AGRN: variants seen among roughly 807,000 people sequenced by gnomAD.
AGRN encodes the protein agrin.
A neutral mutation model predicts 211.0 loss-of-function variants in AGRN; 106 were observed. The ratio of observed to expected loss-of-function variants is 0.50; its 90% CI spans 0.43 to 0.59. The LOEUF (loss-of-function observed/expected upper bound fraction) is 0.59, where lower values mean the gene tolerates loss of function less well. Among genes scored for constraint, AGRN ranks in the 20% least tolerant of loss-of-function variants. The pLI is 0.00. For missense variants in AGRN, 3,040 were observed against 2,982.6 expected (o/e 1.02, Z -0.45); for synonymous variants, 1,525 against 1,332.5 (o/e 1.14, Z -3.15).
chr1:1,020,956 C>T (rs1006878866), intron 1 of AGRN, among the ~76,000 whole-genome samples: 4 of 151,864 alleles, frequency 2.6e-5, no homozygotes, highest in Non-Finnish European at 5.9e-5. Flanking sequence ...CCGGGGCTCC[C>T]CACCCCGGGG....
Position 1,020,280 on chromosome 1 carries a change from G to A in AGRN, c.108G>A (p.Leu36=). 2.9e-5 allele frequency: 42 copies of A among 1,471,342 alleles called. No homozygotes were observed. Among genetic ancestry groups the A allele is most frequent in the Non-Finnish European group, 3.6e-5 (40 of 1,111,146 alleles). The allele number at this position is 1,471,342 out of a possible 1,614,324, so 91.1% of individuals were successfully genotyped here. A position where few individuals can be genotyped will look rare whatever the true frequency, so the allele number is the denominator to read the frequency against. The part of the protein sequence containing the change: ...GAGGTCPERA[L]ERREEEANVV... ...GCGGGACATGCCCGGAGCGCGCGCT[G>A]GAGCGGCGCGAGGAGGAGGCGAACG... Residue 36 remains leucine (L), a synonymous_variant, in exon 1 of 36, where the codon CTG becomes CTA. Coordinates refer to ENST00000379370, the MANE Select transcript of AGRN (RefSeq NM_198576.4).
intron 14 of AGRN, 60 bp from the exon 15 acceptor site, chr1:1,045,673 A>G: frequency 6.2e-7 from 1 of 1,612,234 alleles, no homozygotes; most frequent in Non-Finnish European, 8.5e-7. Flanking sequence ...CAGGCTCTGG[A>G]GGAGGTGGGG....
chr1:1,053,133 G>A (rs1036914043), intron 33 of AGRN: 1 of 271,554 alleles, frequency 3.7e-6, no homozygotes, highest in Non-Finnish European at 7.3e-6. Context: ...ACCACCCTAC[G>A]CCTACCTCCT....
At position 1,041,382 on chromosome 1, in the gene AGRN, T is replaced by G; in HGVS notation, c.937T>G (p.Phe313Val). ...CARQENVFKKFDGPCDPCQGA... is the reference protein window; with the variant it reads ...CARQENVFKKVDGPCDPCQGA... ...CCGCCAGGAGAATGTCTTCAAGAAG[T>G]TCGACGGCCCTTGTGGTGAGCGCGG... is the stretch of plus-strand genomic sequence containing the variant. The change falls in exon 5 of 36, where the codon TTC becomes GTC. Residue 313 changes from phenylalanine (F) to valine (V), a missense_variant. Around this residue, in one of 3 missense-constraint regions of AGRN, gnomAD observed 1,498 missense variants for 1,457.8 expected, o/e 1.03. Transcript: ENST00000379370. 6.5e-7 allele frequency: 1 copy of G among 1,541,400 alleles called. No individual in the cohort carries two copies. Among genetic ancestry groups the G allele is most frequent in the Non-Finnish European group, 8.7e-7 (1 of 1,150,548 alleles).
In AGRN at chr1:1,044,111, G is replaced by A. The variant is rs199801106; in HGVS notation, c.2002G>A (p.Glu668Lys). The change falls in exon 11 of 36, where the codon GAG becomes AAG. Residue 668 changes from glutamate (E) to lysine (K), a missense_variant and splice_region_variant. By Grantham distance (56) the Glu-to-Lys change is moderately conservative (BLOSUM62 1). This residue lies in a region of AGRN where 1,498 missense variants were observed against 1,457.8 expected (regional missense o/e 1.03). Transcript: ENST00000379370. The part of the protein sequence containing the change: ...EARAGPCEQA[E>K]CGSGGSGSGE... Reference sequence around the variant, plus strand: ...GACTCTGCTCCCCTTCCCCGCAGCCGAGTGCGGTTCCGGAGGCTCTGGCTC... The same window carrying A: ...GACTCTGCTCCCCTTCCCCGCAGCCAAGTGCGGTTCCGGAGGCTCTGGCTC... The A allele has an allele frequency of 7.6e-5, 122 of 1,613,250 alleles. No homozygotes were observed. The African/African-American group carries it at 9.9e-4, about 13-fold the overall frequency.
In AGRN at chr1:1,048,493, A is replaced by G; in HGVS notation, c.4105+128A>G. On this transcript the variant is annotated intron_variant, in intron 23 of 35. Transcript: ENST00000379370. The surrounding 1 kb of genome is among the most constrained non-coding windows in gnomAD (Gnocchi z 5.9). ...CCCGGATTAAGGCGGGGTTTCGGCC[A>G]GATGCGGTGGCTCACGCCTGTAATC... is the stretch of plus-strand genomic sequence containing the variant. 1.2e-6 allele frequency: 1 copy of G among 840,374 alleles called. No individual in the cohort carries two copies. The highest frequency in any genetic ancestry group is 2.8e-5 in the East Asian group (1 of 36,330). 52.1% of individuals were successfully genotyped at this position (840,374 alleles called of 1,614,324 possible).
intron 2 of AGRN, among the ~76,000 whole-genome samples, chr1:1,027,734 G>T (rs972939593): frequency 1.3e-5 from 2 of 152,164 alleles, no homozygotes; most frequent in Non-Finnish European, 2.9e-5. Flanking sequence ...TGCCCAGATG[G>T]GACTCTGTCT....
intron 2 of AGRN, among the ~76,000 whole-genome samples, chr1:1,024,103 G>T (rs1488690454): frequency 6.6e-6 from 1 of 152,122 alleles, no homozygotes; most frequent in African/African-American, 2.4e-5. Flanking sequence ...ACAGCATGAG[G>T]AGTGGGGGAG....
chr1:1,054,589 G>A, intron 35 of AGRN, 38 bp downstream of exon 35: 1 of 1,554,510 alleles, frequency 6.4e-7, no homozygotes, highest in Non-Finnish European at 8.7e-7. Flanking sequence ...GATGCCCAAG[G>A]GTCTCATGAT....
At chr1:1,051,088 C>G (rs538922431) in intron 30 of AGRN, 165 bp from the exon 31 acceptor site, 1 of 1,548,140 alleles carries the variant, frequency 6.5e-7, no homozygotes. Flanking sequence ...GCGCCTCAAC[C>G]CCTAGGGTAG....
intron 1 of AGRN, among the ~76,000 whole-genome samples, chr1:1,021,364 T>TG (rs1397752551): frequency 5.9e-5 from 9 of 152,100 alleles, no homozygotes; most frequent in Non-Finnish European, 1.3e-4. Flanking sequence ...AGCCTACTGT[T>TG]GGGGGGCGTG....
In AGRN at chr1:1,040,819, G is replaced by C. The variant is rs1477099245; in HGVS notation, c.666G>C (p.Glu222Asp). The C allele has an allele frequency of 2.6e-6, 4 of 1,537,450 alleles. No individual in the cohort carries two copies. Among genetic ancestry groups the C allele is most frequent in the Middle Eastern group, 1.7e-4 (1 of 5,792 alleles). Residue 222 changes from glutamate to aspartate, a missense_variant, in exon 4 of 36, where the codon GAG becomes GAC. By Grantham distance (45) the Glu-to-Asp change is conservative. This residue lies in a region of AGRN where 1,498 missense variants were observed against 1,457.8 expected (regional missense o/e 1.03). Transcript: ENST00000379370. ...SDASTYSNEC[E>D]LQRAQCSQQR... is the part of the protein sequence containing the mutation. ...CCTCCACCTACAGCAACGAATGCGA[G>C]CTGCAGCGGGCGCAGTGCAGCCAGC...
rs1266449164 is a variant in AGRN at position 1,043,933 on chromosome 1, G to A, written c.1909G>A (p.Val637Ile). Reference protein sequence around the residue: ...PPGPVCGSDGVTYGSACELRE... With the variant: ...PPGPVCGSDGITYGSACELRE... ...CGGCCCCGTGTGTGGCAGCGACGGTGTCACCTACGGCAGTGCCTGCGAGCT... is the reference window on the plus strand; with the variant it reads ...CGGCCCCGTGTGTGGCAGCGACGGTATCACCTACGGCAGTGCCTGCGAGCT... Residue 637 changes from valine to isoleucine, a missense_variant, in exon 10 of 36, where the codon GTC becomes ATC. By Grantham distance (29) the Val-to-Ile change is conservative. Around this residue, in one of 3 missense-constraint regions of AGRN, gnomAD observed 1,498 missense variants for 1,457.8 expected, o/e 1.03. Transcript: ENST00000379370. The A allele has an allele frequency of 7.5e-6, 12 of 1,608,718 alleles. No homozygotes were observed. Among genetic ancestry groups the A allele is most frequent in the Non-Finnish European group, 1.0e-5 (12 of 1,179,430 alleles).
rs770329947 is a variant in AGRN, at chr1:1,045,762, C to T, written c.2566C>T (p.Arg856Trp). The change falls in exon 15 of 36, where the codon CGG becomes TGG. Residue 856 changes from arginine to tryptophan, a missense_variant. Physicochemically the swap from Arg to Trp is moderately radical, Grantham distance 101. This residue lies in a region of AGRN where 1,498 missense variants were observed against 1,457.8 expected (regional missense o/e 1.03). Coordinates refer to ENST00000379370, the MANE Select transcript of AGRN (RefSeq NM_198576.4). Reference sequence around the variant, plus strand: ...CAGCTGTGATCCCCAAGGCGCCGTGCGGGATGACTGTGAGCAGATGACGGG... The same window carrying T: ...CAGCTGTGATCCCCAAGGCGCCGTGTGGGATGACTGTGAGCAGATGACGGG... ...PCSCDPQGAV[R>W]DDCEQMTGLC... 2.0e-5 allele frequency: 33 copies of T among 1,613,272 alleles called. No individual in the cohort carries two copies. Among genetic ancestry groups the T allele is most frequent in the South Asian group, 1.1e-4 (10 of 91,096 alleles).
At chr1:1,030,232 T>C (rs1644632377) in intron 2 of AGRN, among the ~76,000 whole-genome samples, 1 of 107,014 alleles carries the variant, frequency 9.3e-6, no homozygotes, top group Admixed American at 9.3e-5. Context: ...CGCGTGTGTG[T>C]GTGCAGTGCA....
At chr1:1,030,393 G>A (rs1402536170) in intron 2 of AGRN, among the ~76,000 whole-genome samples, 1 of 101,074 alleles carries the variant, frequency 9.9e-6, no homozygotes, top group Non-Finnish European at 2.0e-5. Flanking sequence ...GTGTGTGTGT[G>A]CAGTGCATGG....
At chr1:1,043,176 G>A (rs1364980774) in intron 7 of AGRN, 63 bp from the exon 8 acceptor site, 12 of 1,525,384 alleles carry the variant, frequency 7.9e-6, no homozygotes, top group Admixed American at 5.9e-5. Flanking sequence ...GCGTGGGGCT[G>A]GGGGCTTTGC....
chr1:1,027,201 G>A (rs756666657), intron 2 of AGRN, among the ~76,000 whole-genome samples: 7 of 152,360 alleles, frequency 4.6e-5, no homozygotes, highest in Non-Finnish European at 8.8e-5. Flanking sequence ...ACAGGCAGCC[G>A]GCTGTTTCCA....
chr1:1,047,256 G>A (rs1645124901), intron 19 of AGRN, 71 bp from the exon 20 acceptor site: 4 of 1,535,802 alleles, frequency 2.6e-6, no homozygotes, highest in Admixed American at 4.2e-5. Context: ...GCTTGCTGCT[G>A]GGGCCTGTGC....
Sources: allele counts gnomAD v4.1 joint callset (sites outside exome capture counted in the v4.1 genomes callset), GRCh38; gene constraint gnomAD v4.1.1; regional missense constraint gnomAD v4.1.1; non-coding constraint Gnocchi (gnomAD v3.1); transcripts MANE v1.5; gene names NCBI Gene and HGNC (gene_info 2026-07-23, HGNC 2026-07-21).